The following TET3 variants were observed in gnomAD, a reference collection of about 807,000 sequenced individuals.
TET3 encodes the protein methylcytosine dioxygenase TET3.
TET3 carries 19 observed loss-of-function variants against 141.4 expected under a neutral mutation model. The observed-to-expected ratio is 0.13, with a 90% CI of 0.09 to 0.20. The LOEUF is 0.20. Ranked by LOEUF, TET3 falls within the 10% of genes least tolerant of loss-of-function variation. The probability of loss-of-function intolerance (pLI) is 1.00; values close to 1 mark genes in which losing one functional copy is unlikely to be tolerated. For synonymous variants in TET3, 1,043 were observed against 980.9 expected (o/e 1.06, Z -1.18); for missense variants, 1,874 against 2,356.9 (o/e 0.80, Z 4.24).
At chr2:74,111,349 G>A (rs967499857), downstream of TET3, among the ~76,000 whole-genome samples, 3 of 152,108 alleles carry the variant, frequency 2.0e-5, no homozygotes, top group Non-Finnish European at 4.4e-5. Context: ...GCTCTGGGTG[G>A]CTCTTTGGTA....
rs548098347 is a variant in TET3 at position 74,001,248 on chromosome 2, C to G, written c.304-1862C>G. Among the ~76,000 whole-genome samples the G allele has an allele frequency of 2.2e-4, 33 of 152,294 alleles. No homozygotes were observed. In the East Asian group the frequency reaches 2.7e-3, roughly 12 times the overall value. ...GCCGCTCATCCTGTTCTGAGTACCC[C>G]CTTTGGGCCCCCGGGGAGGGGACAG... On this transcript the variant is annotated intron_variant, in intron 2 of 11. Coordinates refer to ENST00000409262, the MANE Select transcript of TET3 (RefSeq NM_001287491.2).
intron 10 of TET3, among the ~76,000 whole-genome samples, chr2:74,097,805 G>A (rs779268442): frequency 1.1e-4 from 16 of 152,170 alleles, no homozygotes; most frequent in Non-Finnish European, 1.8e-4. Context: ...TAAAGGAGAT[G>A]GCGAGGGGGT....
At chr2:74,068,674 A>G (rs187665158) in intron 4 of TET3, among the ~76,000 whole-genome samples, 6 of 152,284 alleles carry the variant, frequency 3.9e-5, no homozygotes, top group African/African-American at 1.2e-4. Context: ...CAGATTGTGC[A>G]TTTGTCATTT....
At chr2:74,110,012 A>G (rs1315528381), downstream of TET3, among the ~76,000 whole-genome samples, 1 of 152,218 alleles carries the variant, frequency 6.6e-6, no homozygotes, top group Non-Finnish European at 1.5e-5. Context: ...GATACCACAT[A>G]AGATATAAGG....
chr2:74,049,180 G>A (rs1453604769), intron 4 of TET3, among the ~76,000 whole-genome samples: 1 of 152,122 alleles, frequency 6.6e-6, no homozygotes, highest in Non-Finnish European at 1.5e-5. Context: ...GAGGGGATGA[G>A]ACACTGCAGG....
chr2:74,079,940 G>A (rs1042188062), intron 5 of TET3, among the ~76,000 whole-genome samples: 1 of 152,154 alleles, frequency 6.6e-6, no homozygotes, highest in South Asian at 2.1e-4. Context: ...GGCAGGTGAC[G>A]TGTGCAGGAA....
At chr2:74,051,454 T>G (rs898486292) in intron 4 of TET3, among the ~76,000 whole-genome samples, 1 of 152,218 alleles carries the variant, frequency 6.6e-6, no homozygotes, top group African/African-American at 2.4e-5. Context: ...GTCTGTATGG[T>G]CGGAGTATGG....
At chr2:74,133,072 ATTT>A in the TET3 span, among the ~76,000 whole-genome samples, 68 of 105,116 alleles carry the variant, frequency 6.5e-4, no homozygotes, top group Admixed American at 1.2e-3. Context: ...TAATTTTTGT[ATTT>A]TTTTTTTTTT....
chr2:74,126,321 TTC>T, the TET3 span, among the ~76,000 whole-genome samples: 1 of 152,158 alleles, frequency 6.6e-6, no homozygotes, highest in Non-Finnish European at 1.5e-5. Flanking sequence ...ACGTCTGTAG[TTC>T]TGTTTCAGGC....
intron 10 of TET3, among the ~76,000 whole-genome samples, chr2:74,094,944 G>A (rs1690723447): frequency 6.6e-6 from 1 of 152,136 alleles, no homozygotes; most frequent in South Asian, 2.1e-4. Flanking sequence ...GAGAGCACGT[G>A]GTTTATAGTT....
At position 74,047,608 on chromosome 2, in the gene TET3, G is replaced by A; in HGVS notation, c.1691G>A (p.Ser564Asn). The A allele has an allele frequency of 6.2e-7, 1 of 1,613,816 alleles. No individual in the cohort carries two copies. The highest frequency in any genetic ancestry group is 1.1e-5 in the South Asian group (1 of 91,046). Residue 564 changes from serine to asparagine, a missense_variant, in exon 4 of 12, where the codon AGT becomes AAT. This residue lies in a region of TET3 where 484 missense variants were observed against 462.2 expected (regional missense o/e 1.05). Transcript: ENST00000409262. ...PSAPGWWPPPSSPVPRLPDRP... is the reference protein window; with the variant it reads ...PSAPGWWPPPNSPVPRLPDRP... ...GCTCCTGGCTGGTGGCCCCCACCAA[G>A]TTCACCTGTCCCACGGCTTCCAGAC... is the stretch of plus-strand genomic sequence containing the variant.
intron 8 of TET3, among the ~76,000 whole-genome samples, chr2:74,091,229 A>G (rs909919233): frequency 1.3e-5 from 2 of 152,142 alleles, no homozygotes; most frequent in Non-Finnish European, 2.9e-5. Context: ...GGTTGCTTCA[A>G]TGAATGGAGC....
intron 3 of TET3, among the ~76,000 whole-genome samples, chr2:74,026,152 C>T (rs553976304): frequency 3.6e-4 from 52 of 143,050 alleles, no homozygotes; most frequent in African/African-American, 1.3e-3. Flanking sequence ...CCCCACCCTA[C>T]CCCACCCATT....
At chr2:74,050,526 G>C (rs71418716) in intron 4 of TET3, among the ~76,000 whole-genome samples, 329 of 152,212 alleles carry the variant, frequency 2.2e-3, no homozygotes, top group Middle Eastern at 6.8e-3. Flanking sequence ...TAAGAGAAAT[G>C]GTTCATCACT....
At chr2:74,131,757 A>C in the TET3 span, among the ~76,000 whole-genome samples, 2 of 152,210 alleles carry the variant, frequency 1.3e-5, no homozygotes, top group African/African-American at 4.8e-5. Context: ...TTCCACAAGC[A>C]ACACTTAATC....
intron 3 of TET3, among the ~76,000 whole-genome samples, chr2:74,032,111 T>C (rs1686726180): frequency 6.6e-6 from 1 of 152,150 alleles, no homozygotes; most frequent in African/African-American, 2.4e-5. Flanking sequence ...AACTGTGGGC[T>C]GCTGTCCTCC....
intron 2 of TET3, among the ~76,000 whole-genome samples, chr2:74,001,958 GGC>G (rs966104467): frequency 3.3e-4 from 50 of 152,182 alleles, no homozygotes; most frequent in African/African-American, 1.2e-3. Flanking sequence ...GTTCTGGCGG[GGC>G]TGGGGGGTGA....
Position 74,000,863 on chromosome 2 carries a change from G to A in TET3, c.304-2247G>A, listed in dbSNP as rs116051555. Among the ~76,000 whole-genome samples the A allele has an allele frequency of 2.8e-3, 422 of 152,266 alleles. 2 individuals carry two copies. The highest frequency in any genetic ancestry group is 9.8e-3 in the African/African-American group (405 of 41,532). On this transcript the variant is annotated intron_variant, in intron 2 of 11. Transcript: ENST00000409262. ...GATCCTACAACATGGTTGGCACAGG[G>A]CCTGGCATGTAGCAGGGGTTTGATA...
At chr2:74,030,983 C>T (rs566515515) in intron 3 of TET3, among the ~76,000 whole-genome samples, 2 of 151,886 alleles carry the variant, frequency 1.3e-5, no homozygotes, top group South Asian at 2.1e-4. Context: ...AAGGGATGTC[C>T]GGGGGGGAGT....
Sources: gnomAD v4.1 joint callset for allele counts (sites outside exome capture counted in the v4.1 genomes callset) on GRCh38, gnomAD v4.1.1 for gene constraint, gnomAD v4.1.1 regional missense constraint, MANE v1.5 for transcripts, NCBI Gene and HGNC (gene_info 2026-07-23, HGNC 2026-07-21) for gene names.